Variants in TMEM178B observed in about 807,000 individuals in gnomAD.
The protein encoded by TMEM178B is transmembrane protein 178B.
Under a neutral mutation model 31.0 loss-of-function variants are expected in TMEM178B, and 5 were observed. The observed-to-expected ratio is 0.16, with a 90% CI of 0.08 to 0.34. The LOEUF is 0.34. Among genes scored for constraint, TMEM178B ranks in the 10% least tolerant of loss-of-function variants. The pLI is 1.00. For synonymous variants in TMEM178B, 164 were observed against 164.0 expected, an observed-to-expected ratio of 1.00 and a Z score of 0.00; for missense variants, 275 against 400.3, an observed-to-expected ratio of 0.69 and a Z score of 2.67.
chr7:141,494,055 T>C, the TMEM178B span, among the ~76,000 whole-genome samples: 3 of 152,236 alleles, frequency 2.0e-5, no homozygotes, highest in African/African-American at 7.2e-5. Context: ...TTTCCCAGTT[T>C]TCTAACTAAC....
At chr7:141,088,913 C>T (rs1794832957) in intron 1 of TMEM178B, among the ~76,000 whole-genome samples, 1 of 152,142 alleles carries the variant, frequency 6.6e-6, no homozygotes, top group Non-Finnish European at 1.5e-5. Flanking sequence ...AATCCCCCAC[C>T]CTAGCCCAAT....
chr7:141,475,648 C>G lies in TMEM178B; in HGVS notation c.*4862C>G, dbSNP rs1165497933. On this transcript the variant is annotated 3_prime_UTR_variant, in exon 4 of 4. Coordinates refer to ENST00000565468, the MANE Select transcript of TMEM178B (RefSeq NM_001195278.2). ...TGAGTTGACCCTGTGTTCCTGGCAG[C>G]AAGAGTGCAGGGCCCTGAGCCCCCA... 6.6e-6 allele frequency: 1 copy of G among 152,190 alleles called. No homozygotes were observed. Among genetic ancestry groups the G allele is most frequent in the Non-Finnish European group, 1.5e-5 (1 of 68,120 alleles). The allele number at this position is 152,190 out of a possible 1,614,324, so 9.4% of individuals were successfully genotyped here.
At chr7:141,215,789 T>A (rs866399842) in intron 2 of TMEM178B, among the ~76,000 whole-genome samples, 2 of 61,072 alleles carry the variant, frequency 3.3e-5, no homozygotes, top group Non-Finnish European at 6.2e-5. Flanking sequence ...TTTCTTTCTT[T>A]CTTTCTTTCT....
intron 1 of TMEM178B, among the ~76,000 whole-genome samples, chr7:141,194,704 G>A (rs114275775): frequency 0.017 from 2,608 of 152,246 alleles, 75 homozygotes; most frequent in African/African-American, 0.059. Context: ...TCCACTAGGC[G>A]TGCCCCAGTA....
At chr7:141,167,064 A>G (rs1801742489) in intron 1 of TMEM178B, among the ~76,000 whole-genome samples, 1 of 152,212 alleles carries the variant, frequency 6.6e-6, no homozygotes, top group Non-Finnish European at 1.5e-5. Context: ...TGTGGCCTAT[A>G]GCTAGTCATT....
chr7:141,441,460 T>C (rs1801656112), intron 3 of TMEM178B, among the ~76,000 whole-genome samples: 1 of 152,166 alleles, frequency 6.6e-6, no homozygotes, highest in Non-Finnish European at 1.5e-5. Flanking sequence ...CCCGTGGCCT[T>C]AGCTTTCACC....
intron 2 of TMEM178B, among the ~76,000 whole-genome samples, chr7:141,267,559 T>A (rs1010374278): frequency 1.3e-5 from 2 of 152,156 alleles, no homozygotes; most frequent in African/African-American, 4.8e-5. Flanking sequence ...CAGGCTTGGA[T>A]GTGGGCATCC....
intron 1 of TMEM178B, among the ~76,000 whole-genome samples, chr7:141,183,860 C>T (rs148362223): frequency 5.5e-4 from 84 of 152,270 alleles, no homozygotes; most frequent in African/African-American, 1.8e-3. Flanking sequence ...CGTGCTGGTT[C>T]ATGGTGGAAT....
At chr7:141,213,167 G>T (rs140750361) in intron 2 of TMEM178B, among the ~76,000 whole-genome samples, 111 of 152,218 alleles carry the variant, frequency 7.3e-4, no homozygotes, top group African/African-American at 2.5e-3. Flanking sequence ...CATCTGGGTG[G>T]GTCACTAAGA....
chr7:141,502,869 G>A, the TMEM178B span, among the ~76,000 whole-genome samples: 1 of 152,184 alleles, frequency 6.6e-6, no homozygotes, highest in Admixed American at 6.5e-5. Context: ...TGGGTGCTAG[G>A]TACTGTTCCA....
At chr7:141,327,054 A>G (rs1470302085) in intron 2 of TMEM178B, among the ~76,000 whole-genome samples, 5 of 152,024 alleles carry the variant, frequency 3.3e-5, no homozygotes, top group African/African-American at 1.2e-4. Flanking sequence ...CCCGAGCCCT[A>G]TTTTCTGTGC....
intron 1 of TMEM178B, among the ~76,000 whole-genome samples, chr7:141,134,884 A>G (rs113794559): frequency 3.2e-4 from 48 of 152,320 alleles, no homozygotes; most frequent in African/African-American, 1.0e-3. Context: ...CTCATCTTAT[A>G]TCTCCCATAA....
intron 3 of TMEM178B, among the ~76,000 whole-genome samples, chr7:141,444,223 T>C (rs1801711793): frequency 6.6e-6 from 1 of 152,230 alleles, no homozygotes; most frequent in Admixed American, 6.5e-5. Flanking sequence ...TCTCTCTCCC[T>C]GAACTTAGAT....
chr7:141,338,280 G>T (rs1420966249), intron 2 of TMEM178B, among the ~76,000 whole-genome samples: 1 of 152,200 alleles, frequency 6.6e-6, no homozygotes, highest in Admixed American at 6.5e-5. Context: ...TTGTTTAAAA[G>T]TTTATTATAA....
At chr7:141,485,585 G>T in the TMEM178B span, among the ~76,000 whole-genome samples, 2 of 152,248 alleles carry the variant, frequency 1.3e-5, no homozygotes, top group Admixed American at 6.5e-5. Context: ...CCTGTGCAAA[G>T]TCCCACTGGC....
intron 1 of TMEM178B, among the ~76,000 whole-genome samples, chr7:141,180,055 A>G (rs548526457): frequency 6.6e-6 from 1 of 152,284 alleles, no homozygotes; most frequent in East Asian, 1.9e-4. Flanking sequence ...TTAAGATGTA[A>G]ATGGCTGGTG....
At chr7:141,219,129 G>A (rs909037296) in intron 2 of TMEM178B, among the ~76,000 whole-genome samples, 3 of 152,176 alleles carry the variant, frequency 2.0e-5, no homozygotes, top group Admixed American at 2.0e-4. Flanking sequence ...TTTCCTCCCA[G>A]GAGTCCCTCC....
Position 141,409,495 on chromosome 7 carries a change from G to A in TMEM178B, c.497-28113G>A, listed in dbSNP as rs915897527. On this transcript the variant is annotated intron_variant, in intron 2 of 3. Transcript: ENST00000565468. ...GATGGCAGTGAGTTGTGAGGATTAC[G>A]TGGGATAGTATAAGTAAATTGCCAC... is the stretch of plus-strand genomic sequence containing the variant. Among the ~76,000 whole-genome samples the A allele has an allele frequency of 1.1e-4, 17 of 152,206 alleles. 1 individual carries two copies. The highest frequency in any genetic ancestry group is 1.9e-4 in the East Asian group (1 of 5,206).
chr7:141,355,514 G>A (rs1799804180), intron 2 of TMEM178B, among the ~76,000 whole-genome samples: 1 of 152,148 alleles, frequency 6.6e-6, no homozygotes, highest in Non-Finnish European at 1.5e-5. Context: ...AGTGAGGTGG[G>A]GTGTGTATGT....
Sources: allele counts gnomAD v4.1 joint callset (sites outside exome capture counted in the v4.1 genomes callset), GRCh38; gene constraint gnomAD v4.1.1; transcripts MANE v1.5; gene names NCBI Gene and HGNC (gene_info 2026-07-23, HGNC 2026-07-21).